Variants in ADGRV1 observed in about 807,000 individuals in gnomAD.
ADGRV1 encodes the protein G-protein coupled receptor 98.
In ADGRV1, 359 loss-of-function variants were observed where a neutral mutation model predicts 596.2. That is an observed-to-expected ratio of 0.60 (90% CI 0.55 to 0.66). ADGRV1 has a LOEUF of 0.66. Among genes scored for constraint, ADGRV1 ranks in the 30% least tolerant of loss-of-function variants. ADGRV1 has a pLI of 0.00. For synonymous variants in ADGRV1, 2,681 were observed against 2,679.2 expected, an observed-to-expected ratio of 1.00 and a Z score of -0.02; for missense variants, 7,274 against 7,575.6, an observed-to-expected ratio of 0.96 and a Z score of 1.48.
intron 83 of ADGRV1, among the ~76,000 whole-genome samples, chr5:90,963,733 G>A (rs1778218827): frequency 6.6e-6 from 1 of 150,744 alleles, no homozygotes; most frequent in Non-Finnish European, 1.5e-5. Flanking sequence ...GGAAGTAGAA[G>A]GGGAAAATGA....
intron 83 of ADGRV1, among the ~76,000 whole-genome samples, chr5:90,912,489 A>G (rs1772977583): frequency 1.3e-5 from 2 of 152,202 alleles, no homozygotes. Flanking sequence ...TCACCCAGGT[A>G]GTAAGCATAG....
chr5:90,597,029 A>T (rs912627069), intron 1 of ADGRV1, among the ~76,000 whole-genome samples: 6 of 152,258 alleles, frequency 3.9e-5, no homozygotes, highest in Non-Finnish European at 8.8e-5. Context: ...CACTATGTGG[A>T]CACAGGACAG....
intron 87 of ADGRV1, among the ~76,000 whole-genome samples, chr5:91,128,484 C>T (rs1793951409): frequency 6.6e-6 from 1 of 152,076 alleles, no homozygotes; most frequent in Admixed American, 6.5e-5. Flanking sequence ...GTGTTCCAAC[C>T]CTAACAATGC....
chr5:91,047,907 A>G (rs1785969417), intron 85 of ADGRV1, among the ~76,000 whole-genome samples: 1 of 152,264 alleles, frequency 6.6e-6, no homozygotes, highest in African/African-American at 2.4e-5. Context: ...TGTAAATCAC[A>G]AAGATAGTCT....
intron 33 of ADGRV1, among the ~76,000 whole-genome samples, chr5:90,695,571 C>T (rs1747085741): frequency 6.6e-6 from 1 of 151,978 alleles, no homozygotes; most frequent in Non-Finnish European, 1.5e-5. Flanking sequence ...AAACTTTGTT[C>T]CTAATTCTAT....
intron 83 of ADGRV1, among the ~76,000 whole-genome samples, chr5:90,871,540 T>A (rs1380905500): frequency 1.3e-5 from 2 of 152,214 alleles, no homozygotes; most frequent in African/African-American, 4.8e-5. Flanking sequence ...AGTAATATTC[T>A]GAATGAGGCT....
intron 1 of ADGRV1, among the ~76,000 whole-genome samples, chr5:90,597,298 C>G (rs968076890): frequency 4.6e-5 from 7 of 152,148 alleles, no homozygotes; most frequent in African/African-American, 1.4e-4. Flanking sequence ...GAAAGTTGTT[C>G]TGTGGCCATT....
intron 1 of ADGRV1, among the ~76,000 whole-genome samples, chr5:90,567,409 G>T (rs1309454937): frequency 6.6e-6 from 1 of 151,928 alleles, no homozygotes; most frequent in African/African-American, 2.4e-5. Flanking sequence ...TTAAACATTT[G>T]GTAGAATTCA....
At chr5:90,704,300 G>A (rs1748304888) in intron 35 of ADGRV1, 89 bp from the exon 36 acceptor site, 4 of 802,448 alleles carry the variant, frequency 5.0e-6, no homozygotes, top group Admixed American at 3.2e-5. Flanking sequence ...ATATTTGCCT[G>A]CACAATTTAT....
At chr5:90,596,475 G>T (rs1760626363) in intron 1 of ADGRV1, among the ~76,000 whole-genome samples, 1 of 151,982 alleles carries the variant, frequency 6.6e-6, no homozygotes, top group African/African-American at 2.4e-5. Context: ...CCGAGATCAC[G>T]CCACTGCACT....
chr5:90,856,888 T>C (rs776729894), intron 82 of ADGRV1, among the ~76,000 whole-genome samples: 1 of 152,220 alleles, frequency 6.6e-6, no homozygotes, highest in Non-Finnish European at 1.5e-5. Context: ...ATTTTGTCTG[T>C]AAATGTGATT....
chr5:90,887,440 T>C (rs975067675), intron 83 of ADGRV1, among the ~76,000 whole-genome samples: 3 of 152,166 alleles, frequency 2.0e-5, no homozygotes, highest in African/African-American at 7.2e-5. Flanking sequence ...CTCAGCATGT[T>C]GTGGTTCTTG....
chr5:91,075,259 G>A (rs1024730043), intron 86 of ADGRV1, among the ~76,000 whole-genome samples: 2 of 151,992 alleles, frequency 1.3e-5, no homozygotes, highest in Admixed American at 6.5e-5. Context: ...ACATTCTTTT[G>A]GGGGGAGAAT....
At chr5:91,119,633 C>T (rs1376839492) in intron 87 of ADGRV1, among the ~76,000 whole-genome samples, 2 of 152,168 alleles carry the variant, frequency 1.3e-5, no homozygotes, top group Non-Finnish European at 2.9e-5. Context: ...TGTTTTAGAA[C>T]TTTTCTTATC....
chr5:90,650,660 G>T (rs946370469), intron 17 of ADGRV1, among the ~76,000 whole-genome samples: 3 of 152,094 alleles, frequency 2.0e-5, no homozygotes, highest in Non-Finnish European at 2.9e-5. Context: ...TCTAGGGCAT[G>T]GAATTGAATA....
rs139237812 is a variant in ADGRV1, at chr5:90,829,292, A to G, written c.16611+106A>G. ...TGATACATTATTTTCTGAGGATAACATCGTAATTCACTTTTTATTCATTAC... is the reference window on the plus strand; with the variant it reads ...TGATACATTATTTTCTGAGGATAACGTCGTAATTCACTTTTTATTCATTAC... On this transcript the variant is annotated intron_variant, in intron 77 of 89. Transcript: ENST00000405460. 3.9e-4 allele frequency: 394 copies of G among 1,000,114 alleles called. No homozygotes were observed. In the African/African-American group the frequency reaches 5.8e-3, roughly 15 times the overall value. 62.0% of individuals were successfully genotyped at this position (1,000,114 alleles called of 1,614,324 possible).
intron 1 of ADGRV1, chr5:90,614,155 GAAAAAA>G (rs11286344): frequency 2.4e-4 from 63 of 259,916 alleles, no homozygotes; most frequent in South Asian, 5.1e-4. Context: ...ATATCATAGT[GAAAAAA>G]AAAAAAAAAA....
At chr5:90,887,462 T>A in intron 83 of ADGRV1, among the ~76,000 whole-genome samples, 1 of 152,172 alleles carries the variant, frequency 6.6e-6, no homozygotes, top group Non-Finnish European at 1.5e-5. Context: ...CTTATTCATC[T>A]CTGTTTTCTC....
intron 63 of ADGRV1, 101 bp downstream of exon 63, chr5:90,778,710 G>T: frequency 2.8e-6 from 3 of 1,073,184 alleles, no homozygotes; most frequent in Non-Finnish European, 3.9e-6. Flanking sequence ...TGATTAATTT[G>T]CTCCAAACAT....
Sources: allele counts gnomAD v4.1 joint callset (sites outside exome capture counted in the v4.1 genomes callset), GRCh38; gene constraint gnomAD v4.1.1; transcripts MANE v1.5; gene names NCBI Gene and HGNC (gene_info 2026-07-23, HGNC 2026-07-21).